The following TMEM26 variants were observed in gnomAD, a reference collection of about 807,000 sequenced individuals.
TMEM26 encodes transmembrane protein 26.
In TMEM26, 38 loss-of-function variants were observed where a neutral mutation model predicts 28.8. That is an observed-to-expected ratio of 1.32 (90% CI 1.02 to 1.73). TMEM26 has a LOEUF of 1.73. TMEM26 is among the 40% of genes most tolerant of loss of function. TMEM26 has a pLI of 0.00. For synonymous variants in TMEM26, 227 were observed against 182.9 expected (o/e 1.24, Z -1.95); for missense variants, 518 against 447.1 (o/e 1.16, Z -1.43).
chr10:61,416,860 C>T lies in TMEM26; in HGVS notation c.606-3325G>A, dbSNP rs1376926569. Among the ~76,000 whole-genome samples, 3 of 151,954 alleles carry T rather than the reference C, an allele frequency of 2.0e-5. No homozygotes were observed. The East Asian group carries it at 5.8e-4, about 29-fold the overall frequency. On this transcript the variant is annotated intron_variant, in intron 4 of 5. Coordinates refer to ENST00000399298, the MANE Select transcript of TMEM26 (RefSeq NM_178505.8). The stretch of plus-strand genomic sequence containing the variant: ...AGAATAGGGATAAATGATATACTAA[C>T]CCTAGCCCTACATAAATCCAACTTT...
In TMEM26 at chr10:61,410,046, C is replaced by T; in HGVS notation, c.*276G>A. On this transcript the variant is annotated 3_prime_UTR_variant, in exon 6 of 6. Coordinates refer to ENST00000399298, the MANE Select transcript of TMEM26 (RefSeq NM_178505.8). Reference sequence around the variant, plus strand: ...GAGGGCATGTCACTGTAACCTCTTCCATAGCTTTTCAAACAGTTCAAGACA... The same window carrying T: ...GAGGGCATGTCACTGTAACCTCTTCTATAGCTTTTCAAACAGTTCAAGACA... 2.3e-6 allele frequency: 1 copy of T among 429,910 alleles called. No individual in the cohort carries two copies. Among genetic ancestry groups the T allele is most frequent in the East Asian group, 4.3e-5 (1 of 23,526 alleles). The allele number at this position is 429,910 out of a possible 1,614,324, so 26.6% of individuals were successfully genotyped here. A position where few individuals can be genotyped will look rare whatever the true frequency, so the allele number is the denominator to read the frequency against.
intron 3 of TMEM26, 141 bp from the exon 4 acceptor site, chr10:61,429,287 T>A: frequency 1.5e-6 from 1 of 675,970 alleles, no homozygotes; most frequent in Non-Finnish European, 2.5e-6. Flanking sequence ...CTAAAGAAAG[T>A]AAAATGCCTT....
In TMEM26 at chr10:61,436,183, T is replaced by A. The variant is rs1564480444; in HGVS notation, c.257A>T (p.His86Leu). 1 of 1,606,214 alleles carries A rather than the reference T, an allele frequency of 6.2e-7. No homozygotes were observed. Among genetic ancestry groups the A allele is most frequent in the Admixed American group, 1.7e-5 (1 of 59,752 alleles). The change falls in exon 2 of 6, where the codon CAC (histidine) becomes CTC (leucine). Residue 86 changes from histidine to leucine, a missense_variant. By Grantham distance (99) the His-to-Leu change is moderately conservative (BLOSUM62 -3). Coordinates refer to ENST00000399298, the MANE Select transcript of TMEM26 (RefSeq NM_178505.8). The part of the protein sequence containing the change: ...IVPSLWLLEL[H>L]HETQYCSIQA... ...AAAAAGAAGTACCTGGGTCTCATGG[T>A]GCAATTCAAGAAGCCATAATGATGG...
At chr10:61,427,754 G>A (rs1386040832) in intron 4 of TMEM26, among the ~76,000 whole-genome samples, 1 of 151,992 alleles carries the variant, frequency 6.6e-6, no homozygotes, top group East Asian at 1.9e-4. Context: ...CTATATAGGT[G>A]GAGTTAATTA....
rs1839502545 is a variant in TMEM26, at chr10:61,406,765, AGAG to A, written c.*3554_*3556del. The stretch of plus-strand genomic sequence containing the variant: ...TATGGTATTCTAGTAAGAAAGAGAC[AGAG>A]GATGAAATAGATACACATAAAATAT... On this transcript the variant is annotated 3_prime_UTR_variant, in exon 6 of 6. Transcript: ENST00000399298. The A allele has an allele frequency of 6.6e-6, 1 of 152,126 alleles. No individual in the cohort carries two copies. The highest frequency in any genetic ancestry group is 1.5e-5 in the Non-Finnish European group (1 of 67,994). The allele number at this position is 152,126 out of a possible 1,614,324, so 9.4% of individuals were successfully genotyped here. A position where few individuals can be genotyped will look rare whatever the true frequency, so the allele number is the denominator to read the frequency against.
At chr10:61,417,085 G>A (rs1217619565) in intron 4 of TMEM26, among the ~76,000 whole-genome samples, 1 of 152,000 alleles carries the variant, frequency 6.6e-6, no homozygotes, top group East Asian at 1.9e-4. Flanking sequence ...AAGGTTAAAT[G>A]TTAGAATGTA....
intron 4 of TMEM26, among the ~76,000 whole-genome samples, chr10:61,421,312 T>C (rs141474679): frequency 2.0e-5 from 3 of 150,142 alleles, no homozygotes; most frequent in South Asian, 2.2e-4. Context: ...AAAAAGGATG[T>C]GAGACATAGA....
At chr10:61,417,802 T>G (rs566892359) in intron 4 of TMEM26, among the ~76,000 whole-genome samples, 60 of 152,162 alleles carry the variant, frequency 3.9e-4, no homozygotes, top group Admixed American at 7.2e-4. Context: ...GTGGCAATGA[T>G]GTTGAAACTC....
At chr10:61,442,220 T>C (rs1840106798) in intron 1 of TMEM26, among the ~76,000 whole-genome samples, 1 of 152,180 alleles carries the variant, frequency 6.6e-6, no homozygotes, top group Admixed American at 6.5e-5. Context: ...TACAAAATGA[T>C]ATGTCATGAC....
intron 5 of TMEM26, 37 bp downstream of exon 5, chr10:61,413,422 A>G (rs772971134): frequency 2.5e-6 from 4 of 1,601,158 alleles, no homozygotes; most frequent in South Asian, 1.1e-5. Flanking sequence ...AAGAGGTGTA[A>G]TTTTCTATTT....
intron 3 of TMEM26, among the ~76,000 whole-genome samples, chr10:61,430,259 C>T (rs1839899827): frequency 6.6e-6 from 1 of 152,044 alleles, no homozygotes; most frequent in East Asian, 1.9e-4. Flanking sequence ...TTCCATTAAA[C>T]CTCACAGAAC....
At chr10:61,418,858 G>A (rs1839697326) in intron 4 of TMEM26, among the ~76,000 whole-genome samples, 1 of 152,036 alleles carries the variant, frequency 6.6e-6, no homozygotes, top group African/African-American at 2.4e-5. Context: ...GTTCAGGGAA[G>A]GCCAAAGAGG....
intron 2 of TMEM26, among the ~76,000 whole-genome samples, chr10:61,433,903 A>G (rs990528529): frequency 3.3e-5 from 5 of 152,146 alleles, no homozygotes; most frequent in African/African-American, 1.2e-4. Flanking sequence ...TCAACTTAGG[A>G]AAATTACTGA....
Position 61,431,321 on chromosome 10 carries a change from G to C in TMEM26, c.282C>G (p.Ile94Met). Residue 94 changes from isoleucine (I) to methionine (M), a missense_variant, in exon 3 of 6, where the codon ATC becomes ATG. Coordinates refer to ENST00000399298, the MANE Select transcript of TMEM26 (RefSeq NM_178505.8). ...TATTCTGTGATGTTCCTTCAGCCTG[G>C]ATACTGCAATACTAAGAATGGGGTC... The part of the protein sequence containing the change: ...ELHHETQYCS[I>M]QAEGTSQNTS... The C allele has an allele frequency of 3.7e-6, 6 of 1,612,762 alleles. No individual in the cohort carries two copies. The highest frequency in any genetic ancestry group is 5.1e-6 in the Non-Finnish European group (6 of 1,179,062).
chr10:61,414,579 G>A (rs912340093), intron 4 of TMEM26: 1 of 151,986 alleles, frequency 6.6e-6, no homozygotes, highest in African/African-American at 2.4e-5. Context: ...GTTAATGGTG[G>A]AGACAAGGTT....
chr10:61,430,061 G>T (rs4948454), intron 3 of TMEM26, among the ~76,000 whole-genome samples: 1 of 151,890 alleles, frequency 6.6e-6, no homozygotes, highest in Non-Finnish European at 1.5e-5. Flanking sequence ...TATTCCATCT[G>T]TACGCTTTCT....
At chr10:61,421,238 T>A (rs1839742167) in intron 4 of TMEM26, among the ~76,000 whole-genome samples, 1 of 151,392 alleles carries the variant, frequency 6.6e-6, no homozygotes, top group Non-Finnish European at 1.5e-5. Context: ...AGAAATTGAC[T>A]TAAAAATGCT....
chr10:61,432,803 G>A (rs1339710437), intron 2 of TMEM26, among the ~76,000 whole-genome samples: 1 of 152,050 alleles, frequency 6.6e-6, no homozygotes, highest in Non-Finnish European at 1.5e-5. Flanking sequence ...TAGTATTATG[G>A]TTGAAATGAC....
At chr10:61,433,268 C>T (rs751577121) in intron 2 of TMEM26, among the ~76,000 whole-genome samples, 1 of 152,082 alleles carries the variant, frequency 6.6e-6, no homozygotes, top group African/African-American at 2.4e-5. Context: ...GATTTTCCTC[C>T]AACTGGCCTC....
Sources: allele counts gnomAD v4.1 joint callset (sites outside exome capture counted in the v4.1 genomes callset), GRCh38; gene constraint gnomAD v4.1.1; transcripts MANE v1.5; gene names NCBI Gene and HGNC (gene_info 2026-07-23, HGNC 2026-07-21).